Variants in PITPNM3 observed in about 807,000 individuals in gnomAD.
PITPNM3 encodes the protein membrane-associated phosphatidylinositol transfer protein 3.
Under a neutral mutation model 102.0 loss-of-function variants are expected in PITPNM3, and 26 were observed. That is an observed-to-expected ratio of 0.25 (90% CI 0.19 to 0.35). The LOEUF (loss-of-function observed/expected upper bound fraction) is 0.35. Among genes scored for constraint, PITPNM3 ranks in the 10% least tolerant of loss-of-function variants. The pLI is 1.00. For missense variants in PITPNM3, 1,083 were observed against 1,346.1 expected, an observed-to-expected ratio of 0.80 and a Z score of 3.06; for synonymous variants, 578 against 558.6, an observed-to-expected ratio of 1.03 and a Z score of -0.49.
rs190820652 is a variant in PITPNM3 at position 6,537,281 on chromosome 17, C to T, written c.118+706G>A. ...CTTTTTTTTTTTTTTTTTTCTGAGA[C>T]AGAGTATCGCTCTGTCTGCAGTGCC... On this transcript the variant is annotated intron_variant, in intron 2 of 19. Coordinates refer to ENST00000262483, the MANE Select transcript of PITPNM3 (RefSeq NM_031220.4). The surrounding 1 kb of genome is among the most constrained non-coding windows in gnomAD (Gnocchi z 4.4). Among the ~76,000 whole-genome samples, 170 of 133,316 alleles carry T rather than the reference C, an allele frequency of 1.3e-3. No individual in the cohort carries two copies. Among genetic ancestry groups the T allele is most frequent in the Non-Finnish European group, 2.2e-3 (141 of 64,742 alleles). The allele number at this position is 133,316 out of a possible 152,430, so 87.5% of individuals were successfully genotyped here.
chr17:6,477,309 C>T, intron 8 of PITPNM3, 96 bp from the exon 9 acceptor site: 1 of 1,292,390 alleles, frequency 7.7e-7, no homozygotes, highest in Non-Finnish European at 1.1e-6. Flanking sequence ...CCAACCCCTT[C>T]ATCCTAAGAT....
chr17:6,500,680 CTT>C (rs35417905), intron 4 of PITPNM3, among the ~76,000 whole-genome samples: 3,030 of 146,958 alleles, frequency 0.021, 111 homozygotes, highest in African/African-American at 0.071. Flanking sequence ...TAAGAACACT[CTT>C]TTTTTTTTTT....
At chr17:6,480,395 TC>T (rs1183878817) in intron 6 of PITPNM3, 2 of 152,218 alleles carry the variant, frequency 1.3e-5, no homozygotes, top group Non-Finnish European at 2.9e-5. Flanking sequence ...GGCTGGAAGC[TC>T]CAGGGCAGGG....
In PITPNM3 at chr17:6,502,930, A is replaced by C. The variant is rs963883878; in HGVS notation, c.274+597T>G. The stretch of plus-strand genomic sequence containing the variant: ...ATCTCTCTGAGAAAACACAGGGGGA[A>C]GGAAACCTGGAGACGCCTGTATAAC... On this transcript the variant is annotated intron_variant, in intron 4 of 19. Coordinates refer to ENST00000262483, the MANE Select transcript of PITPNM3 (RefSeq NM_031220.4). Among the ~76,000 whole-genome samples, 4 of 152,276 alleles carry C rather than the reference A, an allele frequency of 2.6e-5. 1 individual carries two copies. In the South Asian group the frequency reaches 8.3e-4, roughly 32 times the overall value.
intron 10 of PITPNM3, 48 bp downstream of exon 10, chr17:6,474,384 C>A (rs1430757128): frequency 1.9e-6 from 3 of 1,591,488 alleles, no homozygotes; most frequent in East Asian, 2.2e-5. Context: ...GACACGGTGG[C>A]CCTAGTGACG....
chr17:6,524,352 G>A (rs1444281741), intron 3 of PITPNM3, among the ~76,000 whole-genome samples: 2 of 152,106 alleles, frequency 1.3e-5, no homozygotes, highest in Non-Finnish European at 2.9e-5. Context: ...GGGGAAGGAG[G>A]GATGGAAGAA....
chr17:6,516,605 A>C (rs1908201585), intron 3 of PITPNM3, among the ~76,000 whole-genome samples: 2 of 152,000 alleles, frequency 1.3e-5, no homozygotes, highest in Non-Finnish European at 1.5e-5. Flanking sequence ...ATACTTGAAG[A>C]AATCATGAAA....
At chr17:6,511,648 G>T (rs1907869143) in intron 3 of PITPNM3, among the ~76,000 whole-genome samples, 1 of 152,180 alleles carries the variant, frequency 6.6e-6, no homozygotes, top group South Asian at 2.1e-4. Flanking sequence ...CACAAGGCTA[G>T]CCCAGGAGAA....
At chr17:6,490,538 A>G (rs762249006) in intron 4 of PITPNM3, among the ~76,000 whole-genome samples, 11 of 152,144 alleles carry the variant, frequency 7.2e-5, no homozygotes, top group Non-Finnish European at 1.5e-4. Flanking sequence ...GCAACCAAAA[A>G]GCTGCAGGCG....
rs377091866 is a variant in PITPNM3, at chr17:6,478,766, G to A, written c.588-30C>T. 228 of 1,537,096 alleles carry A rather than the reference G, an allele frequency of 1.5e-4. No individual in the cohort carries two copies. Among genetic ancestry groups the A allele is most frequent in the Non-Finnish European group, 1.9e-4 (221 of 1,142,128 alleles). On this transcript the variant is annotated intron_variant, in intron 6 of 19. Coordinates refer to ENST00000262483, the MANE Select transcript of PITPNM3 (RefSeq NM_031220.4). The surrounding 1 kb of genome is among the most constrained non-coding windows in gnomAD (Gnocchi z 4.4). ...AGACAGGGGGCCCAAGGTGAGCCCA[G>A]CCAGGATCGGGCAGGTTGGCAGGTT...
intron 2 of PITPNM3, among the ~76,000 whole-genome samples, chr17:6,534,821 G>A (rs1329820881): frequency 6.6e-6 from 1 of 152,154 alleles, no homozygotes; most frequent in Non-Finnish European, 1.5e-5. Context: ...GCGGTTATGG[G>A]CAGAGGAGGG....
intron 4 of PITPNM3, among the ~76,000 whole-genome samples, chr17:6,488,964 G>A (rs1163839198): frequency 2.0e-5 from 3 of 152,160 alleles, no homozygotes; most frequent in Non-Finnish European, 4.4e-5. Flanking sequence ...GCCAGCTACC[G>A]CAGTGCCAGC....
chr17:6,492,760 G>C (rs1906572299), intron 4 of PITPNM3, among the ~76,000 whole-genome samples: 1 of 152,106 alleles, frequency 6.6e-6, no homozygotes, highest in African/African-American at 2.4e-5. Context: ...GGGAGGCTGA[G>C]GCAGGAGGAT....
At chr17:6,532,249 G>A (rs1909186354) in intron 2 of PITPNM3, among the ~76,000 whole-genome samples, 1 of 152,114 alleles carries the variant, frequency 6.6e-6, no homozygotes, top group African/African-American at 2.4e-5. Context: ...CCACACCCCA[G>A]GGACCCTCTA....
chr17:6,537,171 C>T lies in PITPNM3; in HGVS notation c.118+816G>A, dbSNP rs1180443177. ...GATGCAGAGGTCATTTCCCCACCCTCCTTGTCCCTCACCTGAACACTGGCA... is the reference window on the plus strand; with the variant it reads ...GATGCAGAGGTCATTTCCCCACCCTTCTTGTCCCTCACCTGAACACTGGCA... On this transcript the variant is annotated intron_variant, in intron 2 of 19. Transcript: ENST00000262483. The surrounding 1 kb of genome is among the most constrained non-coding windows in gnomAD (Gnocchi z 4.4). Among the ~76,000 whole-genome samples, 3 of 152,266 alleles carry T rather than the reference C, an allele frequency of 2.0e-5. No individual in the cohort carries two copies. The highest frequency in any genetic ancestry group is 4.4e-5 in the Non-Finnish European group (3 of 68,014).
At chr17:6,523,666 C>T (rs1908664268) in intron 3 of PITPNM3, among the ~76,000 whole-genome samples, 1 of 152,204 alleles carries the variant, frequency 6.6e-6, no homozygotes, top group Non-Finnish European at 1.5e-5. Flanking sequence ...TGGGGCAGGA[C>T]CTAGAATCCA....
intron 1 of PITPNM3, among the ~76,000 whole-genome samples, chr17:6,538,457 A>G (rs1909563965): frequency 6.6e-6 from 1 of 152,164 alleles, no homozygotes; most frequent in East Asian, 1.9e-4. Context: ...TCTCACTCAC[A>G]TACAGGTTGG....
rs749752549 is a variant in PITPNM3 at position 6,474,394 on chromosome 17, G to A, written c.1258+38C>T. 101 of 1,604,208 alleles carry A rather than the reference G, an allele frequency of 6.3e-5. No individual in the cohort carries two copies. The East Asian group carries it at 1.2e-3, about 20-fold the overall frequency. On this transcript the variant is annotated intron_variant, in intron 10 of 19. Coordinates refer to ENST00000262483, the MANE Select transcript of PITPNM3 (RefSeq NM_031220.4). ...GCCCTGACACGGTGGCCCTAGTGAC[G>A]CACAGGCACCTCAGGCCCCAGCCCA...
At position 6,470,741 on chromosome 17, in the gene PITPNM3, T is replaced by A. The variant is rs776205677; in HGVS notation, c.1625-333A>T. Among the ~76,000 whole-genome samples the A allele has an allele frequency of 2.6e-5, 4 of 152,164 alleles. No homozygotes were observed. Among genetic ancestry groups the A allele is most frequent in the Non-Finnish European group, 4.4e-5 (3 of 68,018 alleles). ...CTGAAGTTGGCGCTGAGTCTATGTC[T>A]GGAAGGTTCAGCACTTCCTTAATGG... On this transcript the variant is annotated intron_variant, in intron 12 of 19. Coordinates refer to ENST00000262483, the MANE Select transcript of PITPNM3 (RefSeq NM_031220.4). The surrounding 1 kb of genome is among the most constrained non-coding windows in gnomAD (Gnocchi z 4.8).
Sources: gnomAD v4.1 joint callset for allele counts (sites outside exome capture counted in the v4.1 genomes callset) on GRCh38, gnomAD v4.1.1 for gene constraint, Gnocchi (gnomAD v3.1) non-coding constraint, MANE v1.5 for transcripts, NCBI Gene and HGNC (gene_info 2026-07-23, HGNC 2026-07-21) for gene names.